NAV1: variants seen among roughly 807,000 people sequenced by gnomAD.
NAV1 encodes neuron navigator 1.
A neutral mutation model predicts 175.2 loss-of-function variants in NAV1; 18 were observed. The ratio of observed to expected loss-of-function variants is 0.10; its 90% CI spans 0.07 to 0.15. The LOEUF is 0.15. Among genes scored for constraint, NAV1 ranks in the 10% least tolerant of loss-of-function variants. The pLI, the probability that NAV1 is intolerant of heterozygous loss-of-function variation, is 1.00. For missense variants in NAV1, 1,731 were observed against 2,436.6 expected (o/e 0.71, Z 6.10); for synonymous variants, 897 against 978.7 (o/e 0.92, Z 1.56).
exon 5 of NAV1, chr1:201,781,169 G>C: frequency 6.2e-7 from 1 of 1,614,186 alleles, no homozygotes; most frequent in South Asian, 1.1e-5. Context: ...CCTGAGAGCT[G>C]TGATGATTCA....
intron 1 of NAV1, among the ~76,000 whole-genome samples, chr1:201,697,495 C>T (rs1671241212): frequency 6.6e-6 from 1 of 152,198 alleles, no homozygotes; most frequent in Non-Finnish European, 1.5e-5. Context: ...CCTCAAAGCT[C>T]AACCTTTTCC....
Position 201,718,841 on chromosome 1 carries a change from A to G in NAV1, c.1226+86A>G. On this transcript the variant is annotated intron_variant, in intron 3 of 29. Transcript: ENST00000367296. This position sits in a 1 kb window ranked among gnomAD's most constrained non-coding sequence, Gnocchi z 4.8. ...CGCCTTAAAAGTGGAGTGGAACCCA[A>G]AACGGGTTTTGGTTTGCTGTGCTGC... 1 of 1,517,444 alleles carries G rather than the reference A, an allele frequency of 6.6e-7. No homozygotes were observed. The highest frequency in any genetic ancestry group is 8.9e-7 in the Non-Finnish European group (1 of 1,123,984). The allele number at this position is 1,517,444 out of a possible 1,614,324, so 94.0% of individuals were successfully genotyped here. A position where few individuals can be genotyped will look rare whatever the true frequency, so the allele number is the denominator to read the frequency against.
chr1:201,607,274 C>G (rs1012709588), intron 2 of NAV1, among the ~76,000 whole-genome samples: 4 of 151,786 alleles, frequency 2.6e-5, no homozygotes, highest in Non-Finnish European at 5.9e-5. Flanking sequence ...CACCACCACA[C>G]CCAGCTAATT....
chr1:201,615,781 C>A (rs1324190507), intron 2 of NAV1, among the ~76,000 whole-genome samples: 1 of 152,226 alleles, frequency 6.6e-6, no homozygotes, highest in Non-Finnish European at 1.5e-5. Flanking sequence ...TTACTCTTTC[C>A]ATGACACATT....
In NAV1 at chr1:201,730,959, G is replaced by A. The variant is rs532075260; in HGVS notation, c.1226+12204G>A. ...TCAGGGTTGGGGGTCCAAAGATGCT[G>A]AAGGACTGAATGGTGGTCATCTATA... On this transcript the variant is annotated intron_variant, in intron 3 of 29. Transcript: ENST00000367296. Among the ~76,000 whole-genome samples the A allele has an allele frequency of 7.2e-5, 11 of 152,288 alleles. No individual in the cohort carries two copies. In the South Asian group the frequency reaches 2.1e-3, roughly 29 times the overall value.
chr1:201,584,420 G>A (rs1666964898), intron 1 of NAV1, among the ~76,000 whole-genome samples: 1 of 152,230 alleles, frequency 6.6e-6, no homozygotes, highest in Non-Finnish European at 1.5e-5. Context: ...GTGTTAGGAA[G>A]GAGTGAATGA....
At chr1:201,609,243 G>C (rs1010509897) in intron 2 of NAV1, among the ~76,000 whole-genome samples, 3 of 152,220 alleles carry the variant, frequency 2.0e-5, no homozygotes, top group African/African-American at 7.2e-5. Context: ...CTTATTGCTA[G>C]TGTAGCCAGC....
chr1:201,728,499 TAGG>T (rs1672706617), intron 3 of NAV1, among the ~76,000 whole-genome samples: 1 of 147,836 alleles, frequency 6.8e-6, no homozygotes, highest in Non-Finnish European at 1.5e-5. Context: ...GAGGCTGAGG[TAGG>T]AGAATCACTT....
At chr1:201,749,442 A>G (rs1035040083) in intron 3 of NAV1, among the ~76,000 whole-genome samples, 1 of 152,200 alleles carries the variant, frequency 6.6e-6, no homozygotes, top group African/African-American at 2.4e-5. Context: ...CCTTGCACCA[A>G]CTTGCTCACT....
exon 30 of NAV1, chr1:201,824,953 G>A (rs1368877867): frequency 6.6e-6 from 1 of 152,076 alleles, no homozygotes; most frequent in Non-Finnish European, 1.5e-5. Flanking sequence ...TGTTTTAAAG[G>A]GAAAGCCCTT....
chr1:201,587,635 G>T (rs1667073951), intron 1 of NAV1, among the ~76,000 whole-genome samples: 1 of 152,100 alleles, frequency 6.6e-6, no homozygotes, highest in Admixed American at 6.5e-5. Flanking sequence ...AGTGAGCCAA[G>T]ATCTCACCAT....
At chr1:201,739,080 G>C (rs1330888890) in intron 3 of NAV1, among the ~76,000 whole-genome samples, 2 of 152,158 alleles carry the variant, frequency 1.3e-5, no homozygotes, top group Non-Finnish European at 2.9e-5. Context: ...AACCCAATGG[G>C]AGGACCCTGC....
At chr1:201,656,100 T>C (rs1022694877) in intron 1 of NAV1, among the ~76,000 whole-genome samples, 8 of 152,230 alleles carry the variant, frequency 5.3e-5, no homozygotes, top group Non-Finnish European at 1.2e-4. Flanking sequence ...TGACACACAC[T>C]TCTCCAACTC....
chr1:201,542,600 C>T (rs1425662868), intron 1 of NAV1, among the ~76,000 whole-genome samples: 1 of 152,074 alleles, frequency 6.6e-6, no homozygotes, highest in Non-Finnish European at 1.5e-5. Flanking sequence ...TTCCCAGCAT[C>T]CTGTGACTCT....
chr1:201,592,088 C>G (rs1222974725), intron 2 of NAV1, among the ~76,000 whole-genome samples: 2 of 152,190 alleles, frequency 1.3e-5, no homozygotes, highest in Admixed American at 6.5e-5. Flanking sequence ...AGCCCCCACT[C>G]TCCTCTCTTC....
At chr1:201,564,965 C>T (rs1427569129) in intron 1 of NAV1, among the ~76,000 whole-genome samples, 1 of 152,176 alleles carries the variant, frequency 6.6e-6, no homozygotes, top group Non-Finnish European at 1.5e-5. Flanking sequence ...CTTTTAAGGA[C>T]TCATGTGATT....
chr1:201,545,236 A>T (rs1457841603), intron 1 of NAV1, among the ~76,000 whole-genome samples: 2 of 152,154 alleles, frequency 1.3e-5, no homozygotes, highest in African/African-American at 4.8e-5. Context: ...TGATCTGGCA[A>T]TTTCAAAAAA....
chr1:201,666,170 C>A (rs1283904528), intron 1 of NAV1, among the ~76,000 whole-genome samples: 1 of 152,042 alleles, frequency 6.6e-6, no homozygotes, highest in Non-Finnish European at 1.5e-5. Context: ...AACACTGGGC[C>A]TCCGATCTGC....
rs767866429 is a variant in NAV1, at chr1:201,808,819, C to A, written c.4155C>A (p.Arg1385=). Residue 1385 remains arginine (R), a synonymous_variant, in exon 20 of 30, where the codon CGC becomes CGA. Coordinates refer to ENST00000367296, the Ensembl canonical transcript of NAV1. The surrounding 1 kb of genome is among the most constrained non-coding windows in gnomAD (Gnocchi z 5.5). ...CATCTGCATTATCTTCCCCACGCCG[C>A]TCCCTAGGCCTGGCACTCACCCATT... is the stretch of plus-strand genomic sequence containing the variant. The A allele has an allele frequency of 6.2e-7, 1 of 1,614,004 alleles. No homozygotes were observed. Among genetic ancestry groups the A allele is most frequent in the South Asian group, 1.1e-5 (1 of 91,076 alleles).
Sources: allele counts gnomAD v4.1 joint callset (sites outside exome capture counted in the v4.1 genomes callset), GRCh38; gene constraint gnomAD v4.1.1; non-coding constraint Gnocchi (gnomAD v3.1); transcripts MANE v1.5; gene names NCBI Gene and HGNC (gene_info 2026-07-23, HGNC 2026-07-21).